The following PTP4A2 variants were observed in gnomAD, a reference collection of about 807,000 sequenced individuals.
PTP4A2 encodes protein tyrosine phosphatase type IVA 2.
PTP4A2 carries 2 observed loss-of-function variants against 22.9 expected under a neutral mutation model. The ratio of observed to expected loss-of-function variants is 0.09; its 90% CI spans 0.04 to 0.27. The LOEUF is 0.27. PTP4A2 is among the 10% of genes least tolerant of loss of function. The pLI is 1.00. For synonymous variants in PTP4A2, 68 were observed against 69.1 expected (o/e 0.98, Z 0.08); for missense variants, 103 against 205.1 (o/e 0.50, Z 3.04).
intron 1 of PTP4A2, among the ~76,000 whole-genome samples, chr1:31,930,154 C>T (rs919286811): frequency 7.9e-5 from 12 of 152,154 alleles, no homozygotes; most frequent in African/African-American, 1.7e-4. Flanking sequence ...CTGGCTAACA[C>T]GGTGAAACCC....
At chr1:31,930,189 T>G (rs1055271005) in intron 1 of PTP4A2, among the ~76,000 whole-genome samples, 2 of 151,732 alleles carry the variant, frequency 1.3e-5, no homozygotes, top group South Asian at 2.1e-4. Context: ...ATACAAAAAA[T>G]TAGCCGGGCG....
intron 1 of PTP4A2, among the ~76,000 whole-genome samples, chr1:31,924,591 A>C (rs979463481): frequency 6.6e-6 from 1 of 152,232 alleles, no homozygotes; most frequent in African/African-American, 2.4e-5. Context: ...AAATTCTCCT[A>C]AAGTTGTCTC....
At chr1:31,927,081 C>T (rs1216067149) in intron 1 of PTP4A2, among the ~76,000 whole-genome samples, 1 of 152,104 alleles carries the variant, frequency 6.6e-6, no homozygotes, top group East Asian at 1.9e-4. Context: ...GCCTTATAGG[C>T]CACTAAAAGC....
chr1:31,925,011 G>C (rs1384663334), intron 1 of PTP4A2, among the ~76,000 whole-genome samples: 1 of 152,200 alleles, frequency 6.6e-6, no homozygotes, highest in African/African-American at 2.4e-5. Flanking sequence ...GTACATGACA[G>C]TATCAACAGT....
chr1:31,922,756 G>T (rs1190272752), intron 1 of PTP4A2, among the ~76,000 whole-genome samples: 3 of 151,770 alleles, frequency 2.0e-5, no homozygotes, highest in South Asian at 2.1e-4. Context: ...GGCTCCTGAG[G>T]AGCTGGGAAC....
intron 1 of PTP4A2, among the ~76,000 whole-genome samples, chr1:31,928,943 C>T (rs1468926159): frequency 2.6e-5 from 4 of 152,158 alleles, no homozygotes; most frequent in Non-Finnish European, 5.9e-5. Context: ...GCACCTGCTT[C>T]TGAGAACAGT....
intron 1 of PTP4A2, among the ~76,000 whole-genome samples, chr1:31,928,740 G>A (rs1464300845): frequency 6.6e-6 from 1 of 151,288 alleles, no homozygotes; most frequent in African/African-American, 2.4e-5. Flanking sequence ...TACTCCCTTG[G>A]TTATTCCCAC....
chr1:31,912,961 A>C, intron 3 of PTP4A2: 1 of 443,576 alleles, frequency 2.3e-6, no homozygotes, highest in South Asian at 1.6e-5. Context: ...TTTAACTGTA[A>C]ATAGCAATAA....
At chr1:31,922,301 T>C (rs1303349592) in intron 1 of PTP4A2, among the ~76,000 whole-genome samples, 1 of 152,208 alleles carries the variant, frequency 6.6e-6, no homozygotes, top group Admixed American at 6.5e-5. Flanking sequence ...CTGATCAACA[T>C]GGAGAAACCC....
intron 1 of PTP4A2, chr1:31,921,804 AC>A: frequency 6.6e-6 from 1 of 152,354 alleles, no homozygotes; most frequent in Middle Eastern, 3.4e-3. Flanking sequence ...CAAAGCTTCA[AC>A]ACTATTCATC....
chr1:31,930,361 A>C lies in PTP4A2; in HGVS notation c.-594+7626T>G, dbSNP rs113767411. The stretch of plus-strand genomic sequence containing the variant: ...TCAAAAAAAAAATAAAAAATACCAT[A>C]TCTCAGAACTTAGTAGTTTATGGGT... On this transcript the variant is annotated intron_variant, in intron 1 of 5. Transcript: ENST00000647444. Among the ~76,000 whole-genome samples, 645 of 152,240 alleles carry C rather than the reference A, an allele frequency of 4.2e-3. 2 individuals are homozygous for C. Among genetic ancestry groups the C allele is most frequent in the South Asian group, 0.024 (114 of 4,818 alleles).
chr1:31,913,693 AT>A, intron 3 of PTP4A2: 2 of 389,434 alleles, frequency 5.1e-6, no homozygotes, highest in Non-Finnish European at 1.0e-5. Context: ...AAAAACCTAA[AT>A]TTAAAGGCCT....
rs370867990 is a variant in PTP4A2, at chr1:31,931,145, A to G, written c.-594+6842T>C. ...AAACACTATCCAGGATCAAGCTCCT[A>G]GAAGAATCAACGTGGGTGAAAAATG... On this transcript the variant is annotated intron_variant, in intron 1 of 5. Coordinates refer to ENST00000647444, the MANE Select transcript of PTP4A2 (RefSeq NM_080391.4). 3.3e-5 allele frequency: 5 copies of G among 152,380 alleles called. No homozygotes were observed. In the East Asian group the frequency reaches 5.8e-4, roughly 18 times the overall value. 9.4% of individuals were successfully genotyped at this position (152,380 alleles called of 1,614,324 possible).
chr1:31,936,641 GATA>G (rs1400742459), intron 1 of PTP4A2, among the ~76,000 whole-genome samples: 1 of 152,146 alleles, frequency 6.6e-6, no homozygotes, highest in Admixed American at 6.6e-5. Context: ...AAAAGTCCAT[GATA>G]ATAATTAGTC....
At chr1:31,912,905 C>A in intron 3 of PTP4A2, 2 of 386,568 alleles carry the variant, frequency 5.2e-6, no homozygotes, top group Admixed American at 3.2e-5. Flanking sequence ...TTGACAACTA[C>A]GCCCCATAAT....
chr1:31,922,936 CTTT>C (rs958616399), intron 1 of PTP4A2, among the ~76,000 whole-genome samples: 1 of 144,920 alleles, frequency 6.9e-6, no homozygotes, highest in Non-Finnish European at 1.5e-5. Flanking sequence ...TACTTTTTAT[CTTT>C]TTTTTTTTTT....
intron 4 of PTP4A2, 127 bp downstream of exon 4, chr1:31,911,569 C>G (rs1651534822): frequency 2.2e-6 from 2 of 913,304 alleles, no homozygotes; most frequent in South Asian, 3.5e-5. Flanking sequence ...CTCTCATTTC[C>G]TTTCCTTTCA....
At chr1:31,916,068 G>T in intron 2 of PTP4A2, 81 bp from the exon 3 acceptor site, 1 of 943,250 alleles carries the variant, frequency 1.1e-6, no homozygotes, top group African/African-American at 1.7e-5. Flanking sequence ...ATTATAGGCC[G>T]GGCGGGGTGG....
chr1:31,914,732 A>G (rs2124164648), intron 3 of PTP4A2, among the ~76,000 whole-genome samples: 1 of 152,328 alleles, frequency 6.6e-6, no homozygotes, highest in South Asian at 2.1e-4. Flanking sequence ...CAACTTAGAC[A>G]ACTACTTAGG....
Sources: allele counts gnomAD v4.1 joint callset (sites outside exome capture counted in the v4.1 genomes callset), GRCh38; gene constraint gnomAD v4.1.1; transcripts MANE v1.5; gene names NCBI Gene and HGNC (gene_info 2026-07-23, HGNC 2026-07-21).